PLD1: variants seen among roughly 807,000 people sequenced by gnomAD.
PLD1 encodes the protein choline phosphatase 1.
Under a neutral mutation model 137.1 loss-of-function variants are expected in PLD1, and 112 were observed. The observed-to-expected ratio is 0.82, with a 90% confidence interval of 0.70 to 0.96. PLD1 has a LOEUF of 0.96. Ranked by LOEUF, PLD1 falls within the 40% of genes least tolerant of loss-of-function variation. PLD1 has a pLI of 0.00. For missense variants in PLD1, 1,321 were observed against 1,342.0 expected (o/e 0.98, Z 0.24); for synonymous variants, 431 against 454.7 (o/e 0.95, Z 0.66).
At chr3:171,659,629 T>C (rs892384224) in intron 20 of PLD1, among the ~76,000 whole-genome samples, 4 of 152,226 alleles carry the variant, frequency 2.6e-5, no homozygotes, top group African/African-American at 9.6e-5. Context: ...ATGGGGAAAC[T>C]AGTTTTTTTC....
At chr3:171,766,433 C>G (rs1235273232) in intron 1 of PLD1, among the ~76,000 whole-genome samples, 2 of 152,066 alleles carry the variant, frequency 1.3e-5, no homozygotes, top group Non-Finnish European at 2.9e-5. Context: ...AGGTGATCAT[C>G]CGTTCTATTG....
At chr3:171,775,980 G>A (rs1223870329) in intron 1 of PLD1, among the ~76,000 whole-genome samples, 5 of 152,242 alleles carry the variant, frequency 3.3e-5, no homozygotes, top group African/African-American at 9.6e-5. Flanking sequence ...AAGCTAGGAT[G>A]CAAACGCAGG....
At chr3:171,645,896 A>G (rs1000571434) in intron 21 of PLD1, among the ~76,000 whole-genome samples, 61 of 151,738 alleles carry the variant, frequency 4.0e-4, no homozygotes, top group African/African-American at 1.4e-3. Flanking sequence ...AAAAAAAAAA[A>G]AAAAAAAAAA....
intron 6 of PLD1, among the ~76,000 whole-genome samples, chr3:171,729,864 G>C (rs985633953): frequency 6.6e-6 from 1 of 152,164 alleles, no homozygotes; most frequent in Non-Finnish European, 1.5e-5. Context: ...TACAAAACAA[G>C]GGAGAGGTGA....
At chr3:171,779,852 G>C (rs1722724267) in intron 1 of PLD1, among the ~76,000 whole-genome samples, 1 of 152,090 alleles carries the variant, frequency 6.6e-6, no homozygotes, top group Non-Finnish European at 1.5e-5. Context: ...ATTAGGACTG[G>C]AGTTTGGATA....
chr3:171,730,876 T>C (rs1718890848), intron 6 of PLD1, among the ~76,000 whole-genome samples: 1 of 152,184 alleles, frequency 6.6e-6, no homozygotes, highest in Non-Finnish European at 1.5e-5. Flanking sequence ...TGACCTCAGG[T>C]TATCCACCTG....
intron 17 of PLD1, among the ~76,000 whole-genome samples, 156 bp downstream of exon 17, chr3:171,677,410 G>A (rs1713493557): frequency 6.6e-6 from 1 of 152,086 alleles, no homozygotes; most frequent in Admixed American, 6.5e-5. Context: ...TTAAGCACAT[G>A]CTAATGACTA....
intron 11 of PLD1, among the ~76,000 whole-genome samples, chr3:171,705,481 G>A (rs1716607145): frequency 6.6e-6 from 1 of 152,058 alleles, no homozygotes; most frequent in African/African-American, 2.4e-5. Flanking sequence ...GAATGAAATG[G>A]AACAATCACT....
At chr3:171,634,887 T>C (rs1734973869) in intron 23 of PLD1, among the ~76,000 whole-genome samples, 1 of 152,024 alleles carries the variant, frequency 6.6e-6, no homozygotes, top group Non-Finnish European at 1.5e-5. Flanking sequence ...TTAAGACATT[T>C]TTATCACTCC....
At chr3:171,784,984 A>C (rs149434353) in intron 1 of PLD1, among the ~76,000 whole-genome samples, 37 of 152,346 alleles carry the variant, frequency 2.4e-4, no homozygotes, top group Non-Finnish European at 4.3e-4. Context: ...CATAAGGAAA[A>C]GTTAAATACA....
In PLD1 at chr3:171,779,066, G is replaced by A. The variant is rs541101101; in HGVS notation, c.-32+31333C>T. Among the ~76,000 whole-genome samples, 3 of 152,276 alleles carry A rather than the reference G, an allele frequency of 2.0e-5. No homozygotes were observed. In the South Asian group the frequency reaches 6.2e-4, roughly 32 times the overall value. On this transcript the variant is annotated intron_variant, in intron 1 of 26. Coordinates refer to ENST00000351298, the MANE Select transcript of PLD1 (RefSeq NM_002662.5). ...TAGCTGGGTATGGTGGCGGGCGCCT[G>A]TAATCCCAGCTACTCAGGAGGCTGA...
rs561915199 is a variant in PLD1, at chr3:171,616,011, C to T, written c.2729-3579G>A. On this transcript the variant is annotated intron_variant, in intron 24 of 26. Transcript: ENST00000351298. ...CAGCCATGCCAATACTTAGATTGCC[C>T]AACTTTTAACTGTTTGCCAGTCTGG... 3.9e-5 allele frequency among the ~76,000 whole-genome samples: 6 copies of T among 152,296 alleles called. No individual in the cohort carries two copies. The South Asian group carries it at 1.2e-3, about 32-fold the overall frequency.
At chr3:171,745,748 C>T (rs986714041) in intron 1 of PLD1, among the ~76,000 whole-genome samples, 5 of 152,214 alleles carry the variant, frequency 3.3e-5, no homozygotes, top group African/African-American at 4.8e-5. Flanking sequence ...AGTCCTCACT[C>T]GCTCTTGGCA....
At chr3:171,681,438 G>A (rs1208905093) in intron 16 of PLD1, among the ~76,000 whole-genome samples, 2 of 152,104 alleles carry the variant, frequency 1.3e-5, no homozygotes, top group Middle Eastern at 3.2e-3. Context: ...CTGAGATGCC[G>A]AAATAAATAC....
intron 25 of PLD1, among the ~76,000 whole-genome samples, chr3:171,607,040 A>AT (rs1303200124): frequency 6.6e-6 from 1 of 152,188 alleles, no homozygotes; most frequent in Non-Finnish European, 1.5e-5. Flanking sequence ...AAGGACACTC[A>AT]TTTTAGTTTT....
chr3:171,605,163 T>C, intron 26 of PLD1, 136 bp downstream of exon 26: 2 of 688,668 alleles, frequency 2.9e-6, no homozygotes, highest in Non-Finnish European at 5.2e-6. Context: ...AGGTATTTTA[T>C]TACAACCTGG....
intron 19 of PLD1, among the ~76,000 whole-genome samples, chr3:171,665,458 C>T (rs571576218): frequency 3.3e-5 from 5 of 152,086 alleles, no homozygotes; most frequent in Non-Finnish European, 5.9e-5. Context: ...CCAGCACTTT[C>T]GGAGGCCGAG....
At chr3:171,603,952 C>T (rs1292210804) in intron 26 of PLD1, among the ~76,000 whole-genome samples, 1 of 152,168 alleles carries the variant, frequency 6.6e-6, no homozygotes, top group Admixed American at 6.5e-5. Context: ...CCAAATAAGG[C>T]TGTGCACTGC....
intron 1 of PLD1, among the ~76,000 whole-genome samples, chr3:171,780,786 G>A (rs1258826223): frequency 6.6e-6 from 1 of 152,194 alleles, no homozygotes; most frequent in Non-Finnish European, 1.5e-5. Context: ...AAATGAGAAT[G>A]TGACTACAGG....
Sources: allele counts gnomAD v4.1 joint callset (sites outside exome capture counted in the v4.1 genomes callset), GRCh38; gene constraint gnomAD v4.1.1; transcripts MANE v1.5; gene names NCBI Gene and HGNC (gene_info 2026-07-23, HGNC 2026-07-21).